Variants in KLHL18 observed in about 807,000 individuals in gnomAD.
The protein encoded by KLHL18 is kelch-like protein 18.
Under a neutral mutation model 58.5 loss-of-function variants are expected in KLHL18, and 38 were observed. The observed-to-expected ratio is 0.65, with a 90% CI of 0.50 to 0.85. The LOEUF is 0.85. Ranked by LOEUF, KLHL18 falls within the 40% of genes least tolerant of loss-of-function variation. The pLI is 0.00. For synonymous variants in KLHL18, 303 were observed against 301.9 expected, an observed-to-expected ratio of 1.00 and a Z score of -0.04; for missense variants, 624 against 778.4, an observed-to-expected ratio of 0.80 and a Z score of 2.36.
chr3:47,327,128 A>G (rs910390555), intron 3 of KLHL18, among the ~76,000 whole-genome samples: 1 of 152,038 alleles, frequency 6.6e-6, no homozygotes, highest in Non-Finnish European at 1.5e-5. Flanking sequence ...AATCCCAGCT[A>G]CTTGGGAGGC....
rs1703598255 is a variant in KLHL18, at chr3:47,321,884, G to A, written c.261-684G>A. Among the ~76,000 whole-genome samples, 2 of 152,180 alleles carry A rather than the reference G, an allele frequency of 1.3e-5. 1 individual carries two copies. The highest frequency in any genetic ancestry group is 4.1e-4 in the South Asian group (2 of 4,834). ...GGGGGAAGAGCCCTCCAAACAGGGA[G>A]CAGTCATTGCAAAGGCCCTGAGGTA... is the stretch of plus-strand genomic sequence containing the variant. On this transcript the variant is annotated intron_variant, in intron 2 of 9. Coordinates refer to ENST00000232766, the MANE Select transcript of KLHL18 (RefSeq NM_025010.5).
At chr3:47,339,632 T>TG (rs1194884346) in intron 7 of KLHL18, among the ~76,000 whole-genome samples, 2 of 151,562 alleles carry the variant, frequency 1.3e-5, no homozygotes, top group Non-Finnish European at 2.9e-5. Context: ...GTGAATTGAG[T>TG]GGGAAAAAGC....
intron 1 of KLHL18, among the ~76,000 whole-genome samples, chr3:47,316,787 A>G (rs1330760800): frequency 2.3e-5 from 3 of 132,524 alleles, no homozygotes; most frequent in African/African-American, 9.0e-5. Context: ...ATATACATAT[A>G]TATGTGTGTA....
At chr3:47,307,088 T>C (rs1458349335) in intron 1 of KLHL18, among the ~76,000 whole-genome samples, 1 of 152,200 alleles carries the variant, frequency 6.6e-6, no homozygotes, top group East Asian at 1.9e-4. Flanking sequence ...TGTCTTTTTT[T>C]CGAGATGGAG....
At chr3:47,324,500 G>C (rs1703669524) in intron 3 of KLHL18, among the ~76,000 whole-genome samples, 2 of 150,994 alleles carry the variant, frequency 1.3e-5, no homozygotes, top group South Asian at 4.2e-4. Flanking sequence ...CTGGATCCAG[G>C]CTATGTTGTA....
intron 2 of KLHL18, among the ~76,000 whole-genome samples, chr3:47,321,542 G>C (rs1313233306): frequency 1.3e-5 from 2 of 151,966 alleles, no homozygotes; most frequent in African/African-American, 2.4e-5. Context: ...TAGACACAGG[G>C]TTTTGCCATG....
chr3:47,288,703 T>TA (rs200148061), intron 1 of KLHL18, among the ~76,000 whole-genome samples: 3,506 of 151,880 alleles, frequency 0.023, 131 homozygotes, highest in African/African-American at 0.08. Flanking sequence ...ACATATTCAT[T>TA]TAAAAAAAAT....
intron 5 of KLHL18, among the ~76,000 whole-genome samples, chr3:47,333,897 A>G (rs1703925050): frequency 2.0e-5 from 3 of 152,242 alleles, no homozygotes; most frequent in Non-Finnish European, 2.9e-5. Context: ...TGATTGCTGT[A>G]AAAGTAGAAC....
chr3:47,334,755 C>T lies in KLHL18; in HGVS notation c.834C>T (p.Thr278=), dbSNP rs1300639856. 6.2e-7 allele frequency: 1 copy of T among 1,614,056 alleles called. No homozygotes were observed. The highest frequency in any genetic ancestry group is 8.5e-7 in the Non-Finnish European group (1 of 1,180,030). ...ERRPHLPAFR[T]RPRCCTSIAG... is the part of the protein sequence containing the mutation. ...GGCCCCACCTGCCAGCTTTCAGAACCCGGCCACGCTGCTGCACATCCATCG... is the reference window on the plus strand; with the variant it reads ...GGCCCCACCTGCCAGCTTTCAGAACTCGGCCACGCTGCTGCACATCCATCG... The change falls in exon 6 of 10, where the codon ACC becomes ACT. Residue 278 remains threonine (T), a synonymous_variant. Transcript: ENST00000232766. This position sits in a 1 kb window ranked among gnomAD's most constrained non-coding sequence, Gnocchi z 4.7.
At chr3:47,312,094 G>A (rs1006418295) in intron 1 of KLHL18, among the ~76,000 whole-genome samples, 1 of 152,178 alleles carries the variant, frequency 6.6e-6, no homozygotes, top group Non-Finnish European at 1.5e-5. Context: ...TCCCATGATT[G>A]CCCCAAATTT....
chr3:47,319,592 G>GT (rs1703536546), intron 1 of KLHL18, 61 bp from the exon 2 acceptor site: 2 of 1,505,920 alleles, frequency 1.3e-6, no homozygotes, highest in African/African-American at 2.8e-5. Flanking sequence ...GGGTTTTTTT[G>GT]TTTGTTTGTT....
At chr3:47,288,220 CAAAAAAAAAAA>C (rs768468646) in intron 1 of KLHL18, among the ~76,000 whole-genome samples, 4 of 44,632 alleles carry the variant, frequency 9.0e-5, no homozygotes, top group South Asian at 1.3e-3. Context: ...ACTCTGTCTC[CAAAAAAAAAAA>C]AAAAAAAAAA....
chr3:47,327,928 C>A (rs780977160), intron 3 of KLHL18, among the ~76,000 whole-genome samples: 12 of 152,176 alleles, frequency 7.9e-5, no homozygotes, highest in Middle Eastern at 3.4e-3. Context: ...AAAAGCATGC[C>A]CGGCCAATTT....
intron 1 of KLHL18, 52 bp downstream of exon 1, chr3:47,283,146 G>A (rs1379994911): frequency 7.9e-7 from 1 of 1,271,994 alleles, no homozygotes; most frequent in South Asian, 1.2e-5. Context: ...CGAGCGGGGA[G>A]TAAAAAGGGG....
rs1460862219 is a variant in KLHL18, at chr3:47,345,555, A to G, written c.*1614A>G. ...CACAGCGGGACTCAAAGAGGAGGAC[A>G]TTTTCTCTTGCCAGTGCACTGGGCA... On this transcript the variant is annotated 3_prime_UTR_variant, in exon 10 of 10. Coordinates refer to ENST00000232766, the MANE Select transcript of KLHL18 (RefSeq NM_025010.5). 6.6e-6 allele frequency: 1 copy of G among 152,600 alleles called. No homozygotes were observed. Among genetic ancestry groups the G allele is most frequent in the African/African-American group, 2.4e-5 (1 of 41,408 alleles). 9.5% of individuals were successfully genotyped at this position (152,600 alleles called of 1,614,324 possible).
intron 1 of KLHL18, among the ~76,000 whole-genome samples, chr3:47,285,613 A>C (rs1702658395): frequency 6.6e-6 from 1 of 152,178 alleles, no homozygotes; most frequent in Admixed American, 6.5e-5. Context: ...CTTACAAGAC[A>C]CAGGGAATCA....
At chr3:47,295,971 C>CT (rs1702888446) in intron 1 of KLHL18, among the ~76,000 whole-genome samples, 1 of 152,200 alleles carries the variant, frequency 6.6e-6, no homozygotes, top group Non-Finnish European at 1.5e-5. Flanking sequence ...TGAAGACAGT[C>CT]TTCTCATATC....
At chr3:47,289,056 C>G (rs1702737921) in intron 1 of KLHL18, among the ~76,000 whole-genome samples, 1 of 152,186 alleles carries the variant, frequency 6.6e-6, no homozygotes, top group Admixed American at 6.5e-5. Flanking sequence ...ATTTTTTCCC[C>G]TATGCTTCTG....
At chr3:47,321,351 GTTTTT>G (rs1323588705) in intron 2 of KLHL18, among the ~76,000 whole-genome samples, 24 of 147,312 alleles carry the variant, frequency 1.6e-4, no homozygotes, top group East Asian at 6.1e-4. Context: ...GTTTTGTTTT[GTTTTT>G]TTTTTTTTGA....
Sources: allele counts gnomAD v4.1 joint callset (sites outside exome capture counted in the v4.1 genomes callset), GRCh38; gene constraint gnomAD v4.1.1; non-coding constraint Gnocchi (gnomAD v3.1); transcripts MANE v1.5; gene names NCBI Gene and HGNC (gene_info 2026-07-23, HGNC 2026-07-21).